The following MON2 variants were observed in gnomAD, a reference collection of about 807,000 sequenced individuals.
The protein encoded by MON2 is protein MON2 homolog.
A neutral mutation model predicts 208.6 loss-of-function variants in MON2; 84 were observed. The observed-to-expected ratio is 0.40, with a 90% CI of 0.34 to 0.48. MON2 has a LOEUF of 0.48. Ranked by LOEUF, MON2 falls within the 20% of genes least tolerant of loss-of-function variation. MON2 has a pLI of 0.59. For synonymous variants in MON2, 660 were observed against 694.0 expected (o/e 0.95, Z 0.77); for missense variants, 1,611 against 2,015.4 (o/e 0.80, Z 3.84).
rs1249114391 is a variant in MON2 at position 62,535,567 on chromosome 12, G to A, written c.1758G>A (p.Leu586=). ...CTGAGAATATTTTAAAAGCTGAACT[G>A]ACTATGGCTGCTCTTTGTGGAAGAC... ...AATENILKAE[L]TMAALCGRLG... The change falls in exon 14 of 35, where the codon CTG becomes CTA. Residue 586 remains leucine (L), a synonymous_variant. Coordinates refer to ENST00000393630, the MANE Select transcript of MON2 (RefSeq NM_015026.3). The A allele has an allele frequency of 1.2e-6, 2 of 1,613,588 alleles. No individual in the cohort carries two copies. Among genetic ancestry groups the A allele is most frequent in the Non-Finnish European group, 1.7e-6 (2 of 1,179,822 alleles).
In MON2 at chr12:62,555,057, A is replaced by G. The variant is rs565428387; in HGVS notation, c.3211-937A>G. On this transcript the variant is annotated intron_variant, in intron 24 of 34. Coordinates refer to ENST00000393630, the MANE Select transcript of MON2 (RefSeq NM_015026.3). ...GTGATCCGCCCGCCTCGGCCTCCCAAAGTGCTGGGATTACAGGCATGAGCC... is the reference window on the plus strand; with the variant it reads ...GTGATCCGCCCGCCTCGGCCTCCCAGAGTGCTGGGATTACAGGCATGAGCC... Among the ~76,000 whole-genome samples, 3 of 152,184 alleles carry G rather than the reference A, an allele frequency of 2.0e-5. No individual in the cohort carries two copies. In the East Asian group the frequency reaches 5.8e-4, roughly 29 times the overall value.
chr12:62,473,815 C>T (rs1042989500), intron 1 of MON2, among the ~76,000 whole-genome samples: 1 of 152,136 alleles, frequency 6.6e-6, no homozygotes, highest in African/African-American at 2.4e-5. Context: ...AAGCAATCCA[C>T]CTGCCTCAGC....
rs1475200204 is a variant in MON2, at chr12:62,596,801, AAG to A, written c.*4058_*4059del. 6.6e-6 allele frequency: 1 copy of A among 152,216 alleles called. No individual in the cohort carries two copies. Among genetic ancestry groups the A allele is most frequent in the Non-Finnish European group, 1.5e-5 (1 of 68,032 alleles). 9.4% of individuals were successfully genotyped at this position (152,216 alleles called of 1,614,324 possible). A position where few individuals can be genotyped will look rare whatever the true frequency, so the allele number is the denominator to read the frequency against. ...AATGAAAAGTGTTTATAGATTCAGAAAGAGAGATGATATCTTTGTATCTTGAT... is the reference window on the plus strand; with the variant it reads ...AATGAAAAGTGTTTATAGATTCAGAAAGAGATGATATCTTTGTATCTTGAT... On this transcript the variant is annotated 3_prime_UTR_variant, in exon 35 of 35. Coordinates refer to ENST00000393630, the MANE Select transcript of MON2 (RefSeq NM_015026.3).
In MON2 at chr12:62,467,071, G is replaced by A; in HGVS notation, c.-137G>A. Reference sequence around the variant, plus strand: ...TGGGGGACGCTCGAGCAGGCTCCGGGTTCGCAGCCCAGGGCCCAAGAAGCG... The same window carrying A: ...TGGGGGACGCTCGAGCAGGCTCCGGATTCGCAGCCCAGGGCCCAAGAAGCG... On this transcript the variant is annotated 5_prime_UTR_variant, in exon 1 of 35. Coordinates refer to ENST00000393630, the MANE Select transcript of MON2 (RefSeq NM_015026.3). 1 of 672,702 alleles carries A rather than the reference G, an allele frequency of 1.5e-6. No individual in the cohort carries two copies. 41.7% of individuals were successfully genotyped at this position (672,702 alleles called of 1,614,324 possible). A position where few individuals can be genotyped will look rare whatever the true frequency, so the allele number is the denominator to read the frequency against.
intron 10 of MON2, among the ~76,000 whole-genome samples, chr12:62,525,700 G>T (rs2072295668): frequency 6.6e-6 from 1 of 152,144 alleles, no homozygotes; most frequent in Admixed American, 6.6e-5. Flanking sequence ...TCTAATGAAA[G>T]GCTAAACATT....
At chr12:62,581,332 G>A (rs955450000) in intron 32 of MON2, among the ~76,000 whole-genome samples, 2 of 152,164 alleles carry the variant, frequency 1.3e-5, no homozygotes, top group East Asian at 1.9e-4. Context: ...TGGGAGGATC[G>A]CTTGAGGCCA....
Position 62,594,221 on chromosome 12 carries a change from A to G in MON2, c.*1472A>G, listed in dbSNP as rs1272721278. The G allele has an allele frequency of 6.6e-6, 1 of 152,142 alleles. No individual in the cohort carries two copies. The highest frequency in any genetic ancestry group is 1.9e-4 in the East Asian group (1 of 5,198). The allele number at this position is 152,142 out of a possible 1,614,324, so 9.4% of individuals were successfully genotyped here. On this transcript the variant is annotated 3_prime_UTR_variant, in exon 35 of 35. Coordinates refer to ENST00000393630, the MANE Select transcript of MON2 (RefSeq NM_015026.3). The stretch of plus-strand genomic sequence containing the variant: ...TCTTTGATCTTAATAGAATTTATAA[A>G]TTTCAGCTTCTCCAGAATAATCATA...
intron 8 of MON2, among the ~76,000 whole-genome samples, chr12:62,517,363 C>T (rs1163933611): frequency 6.6e-6 from 1 of 152,092 alleles, no homozygotes; most frequent in Non-Finnish European, 1.5e-5. Flanking sequence ...CTAACCAGGA[C>T]CTCCCAACTT....
In MON2 at chr12:62,560,881, T is replaced by C. The variant is rs2074173334; in HGVS notation, c.3800T>C (p.Ile1267Thr). The change falls in exon 26 of 35, where the codon ATT becomes ACT. Residue 1267 changes from isoleucine to threonine, a missense_variant. Ile to Thr is a moderately conservative substitution (Grantham distance 89). Transcript: ENST00000393630. The stretch of plus-strand genomic sequence containing the variant: ...ATTACTTTTGATAAACTAACTTTTA[T>C]TCCTAGCCAGCCTTTTCTTACAGCT... ...PPITFDKLTF[I>T]PSQPFLTALI... The C allele has an allele frequency of 1.2e-6, 2 of 1,614,114 alleles. No individual in the cohort carries two copies. Among genetic ancestry groups the C allele is most frequent in the Non-Finnish European group, 1.7e-6 (2 of 1,179,984 alleles).
At chr12:62,477,071 G>T (rs2069127161) in intron 1 of MON2, among the ~76,000 whole-genome samples, 1 of 152,044 alleles carries the variant, frequency 6.6e-6, no homozygotes, top group South Asian at 2.1e-4. Context: ...GATTGGTTGA[G>T]CCCAGGAATT....
At chr12:62,557,955 TA>T (rs1565683515) in intron 25 of MON2, among the ~76,000 whole-genome samples, 69 of 28,998 alleles carry the variant, frequency 2.4e-3, no homozygotes, top group African/African-American at 0.013. Context: ...TATATATATA[TA>T]TATATATTTT....
Position 62,524,546 on chromosome 12 carries a change from T to C in MON2, c.1016T>C (p.Leu339Pro), listed in dbSNP as rs2072235765. The change falls in exon 9 of 35, where the codon CTG (leucine) becomes CCG (proline). Residue 339 changes from leucine (L) to proline (P), a missense_variant. By Grantham distance (98) the Leu-to-Pro change is moderately conservative. Transcript: ENST00000393630. Reference protein sequence around the residue: ...VTECEIFLSLLVKFLDADKPQ... With the variant: ...VTECEIFLSLPVKFLDADKPQ... ...GAATGTGAGATATTTCTGTCACTTC[T>C]GGTGAAATTTCTGGATGCAGATAAA... 1 of 1,612,168 alleles carries C rather than the reference T, an allele frequency of 6.2e-7. No homozygotes were observed. Among genetic ancestry groups the C allele is most frequent in the Non-Finnish European group, 8.5e-7 (1 of 1,178,376 alleles).
intron 13 of MON2, 59 bp downstream of exon 13, chr12:62,534,985 A>G (rs2072900225): frequency 2.5e-6 from 3 of 1,179,256 alleles, no homozygotes; most frequent in Non-Finnish European, 3.8e-6. Context: ...ACACATTAAA[A>G]TGGTTTACTT....
chr12:62,587,695 C>T (rs1249386649), intron 33 of MON2, among the ~76,000 whole-genome samples: 2 of 152,058 alleles, frequency 1.3e-5, no homozygotes, highest in Admixed American at 1.3e-4. Flanking sequence ...GCTGTGATCT[C>T]ACCATTGCAC....
At chr12:62,540,763 CT>C (rs893475799) in intron 19 of MON2, among the ~76,000 whole-genome samples, 8 of 152,026 alleles carry the variant, frequency 5.3e-5, no homozygotes, top group African/African-American at 1.9e-4. Context: ...GAAATTAAAA[CT>C]TTATAAAAAT....
At position 62,598,838 on chromosome 12, in the gene MON2, T is replaced by C. The variant is rs1282521912; in HGVS notation, c.*6089T>C. Reference sequence around the variant, plus strand: ...GAAAGCTATATAGTTATAACTGTGATTGTACAGATTGTTTATTTGTTTTAC... The same window carrying C: ...GAAAGCTATATAGTTATAACTGTGACTGTACAGATTGTTTATTTGTTTTAC... On this transcript the variant is annotated 3_prime_UTR_variant, in exon 35 of 35. Coordinates refer to ENST00000393630, the MANE Select transcript of MON2 (RefSeq NM_015026.3). The C allele has an allele frequency of 6.6e-6, 1 of 152,184 alleles. No individual in the cohort carries two copies. 9.4% of individuals were successfully genotyped at this position (152,184 alleles called of 1,614,324 possible). A position where few individuals can be genotyped will look rare whatever the true frequency, so the allele number is the denominator to read the frequency against.
rs2075521477 is a variant in MON2, at chr12:62,596,027, A to T, written c.*3278A>T. The T allele has an allele frequency of 6.6e-6, 1 of 152,190 alleles. No individual in the cohort carries two copies. Among genetic ancestry groups the T allele is most frequent in the African/African-American group, 2.4e-5 (1 of 41,454 alleles). The allele number at this position is 152,190 out of a possible 1,614,324, so 9.4% of individuals were successfully genotyped here. A position where few individuals can be genotyped will look rare whatever the true frequency, so the allele number is the denominator to read the frequency against. On this transcript the variant is annotated 3_prime_UTR_variant, in exon 35 of 35. Coordinates refer to ENST00000393630, the MANE Select transcript of MON2 (RefSeq NM_015026.3). ...TCTACAGCAGGCCAGTAACAACTAG[A>T]TTATTTGTCCTTTCTCAGTATAATT...
At chr12:62,563,299 A>G (rs956856141) in intron 26 of MON2, among the ~76,000 whole-genome samples, 10 of 152,328 alleles carry the variant, frequency 6.6e-5, no homozygotes, top group African/African-American at 1.9e-4. Context: ...AGTGCCTGGC[A>G]TGAGTTAAAC....
intron 6 of MON2, 33 bp from the exon 7 acceptor site, chr12:62,501,540 T>C: frequency 1.2e-6 from 2 of 1,607,984 alleles, no homozygotes; most frequent in Non-Finnish European, 1.7e-6. Flanking sequence ...CATTTAATTC[T>C]AGCATGTGAA....
Sources: gnomAD v4.1 joint callset for allele counts (sites outside exome capture counted in the v4.1 genomes callset) on GRCh38, gnomAD v4.1.1 for gene constraint, MANE v1.5 for transcripts, NCBI Gene and HGNC (gene_info 2026-07-23, HGNC 2026-07-21) for gene names.